EPS8L1: variants seen among roughly 807,000 people sequenced by gnomAD.
EPS8L1 encodes the protein EPS8 signaling adaptor L1, also known as epidermal growth factor receptor kinase substrate 8-like protein 1.
Under a neutral mutation model 91.7 loss-of-function variants are expected in EPS8L1, and 101 were observed. The observed-to-expected ratio is 1.10, with a 90% CI of 0.94 to 1.30. The LOEUF (loss-of-function observed/expected upper bound fraction) is 1.30, where lower values mean the gene tolerates loss of function less well. EPS8L1 is among the 50% of genes most tolerant of loss of function. The pLI, the probability that EPS8L1 is intolerant of heterozygous loss-of-function variation, is 0.00. For synonymous variants in EPS8L1, 506 were observed against 445.3 expected (o/e 1.14, Z -1.72); for missense variants, 1,114 against 1,017.0 (o/e 1.10, Z -1.30).
intron 19 of EPS8L1, 21 bp from the exon 20 acceptor site, chr19:55,087,507 G>C (rs1288151197): frequency 1.2e-6 from 2 of 1,614,172 alleles, no homozygotes; most frequent in Non-Finnish European, 1.7e-6. Context: ...AGGACAAAGC[G>C]ATTTCCACCC....
chr19:55,078,160 T>A (rs750254046), intron 3 of EPS8L1, 32 bp downstream of exon 3: 1 of 1,609,600 alleles, frequency 6.2e-7, no homozygotes, highest in African/African-American at 1.3e-5. Flanking sequence ...CCCAGGCCCA[T>A]AGAACTGGGT....
chr19:55,079,286 A>T (rs2147132698), intron 4 of EPS8L1, among the ~76,000 whole-genome samples: 1 of 152,306 alleles, frequency 6.6e-6, no homozygotes. Flanking sequence ...GTTGTGCTGG[A>T]CAGTGGGACC....
At chr19:55,087,138 T>C in intron 18 of EPS8L1, 165 bp from the exon 19 acceptor site, 23 of 1,171,196 alleles carry the variant, frequency 2.0e-5, no homozygotes, top group Non-Finnish European at 2.7e-5. Context: ...GCCCCCCGGG[T>C]GGCAACATTG....
chr19:55,082,818 G>A (rs1002200600), intron 12 of EPS8L1, among the ~76,000 whole-genome samples: 2 of 141,636 alleles, frequency 1.4e-5, no homozygotes, highest in African/African-American at 5.2e-5. Context: ...AAGACCACCA[G>A]ACCAATCGGA....
chr19:55,079,923 C>T, intron 5 of EPS8L1, 72 bp downstream of exon 5: 1 of 1,505,390 alleles, frequency 6.6e-7, no homozygotes, highest in Non-Finnish European at 8.9e-7. Flanking sequence ...TGAATCTTGG[C>T]TCCTGCACGT....
rs2076370310 is a variant in EPS8L1, at chr19:55,087,919, T to C, written c.*305T>C. 5.2e-6 allele frequency: 2 copies of C among 382,968 alleles called. No individual in the cohort carries two copies. The highest frequency in any genetic ancestry group is 4.2e-5 in the African/African-American group (2 of 48,066). The allele number at this position is 382,968 out of a possible 1,614,324, so 23.7% of individuals were successfully genotyped here. ...CCAGCCTATAAACAGCCTCCGTGCT[T>C]AGCAGATGGTGTGCCAACTGCTGTC... On this transcript the variant is annotated 3_prime_UTR_variant, in exon 20 of 20. Coordinates refer to ENST00000201647, the MANE Select transcript of EPS8L1 (RefSeq NM_133180.3).
Position 55,081,972 on chromosome 19 carries a change from C to G in EPS8L1, c.901+73C>G, listed in dbSNP as rs1181887373. 1.9e-6 allele frequency: 3 copies of G among 1,557,514 alleles called. No individual in the cohort carries two copies. The highest frequency in any genetic ancestry group is 1.7e-4 in the Middle Eastern group (1 of 5,996). On this transcript the variant is annotated intron_variant, in intron 9 of 19. Transcript: ENST00000201647. The surrounding 1 kb of genome is among the most constrained non-coding windows in gnomAD (Gnocchi z 4.9). ...CAAATGTCCCCGCTCTCCCCAGGCT[C>G]TCCCCTCCCGCCACTTGCCAGGGCT... is the stretch of plus-strand genomic sequence containing the variant.
rs750369259 is a variant in EPS8L1, at chr19:55,083,392, C to G, written c.1229C>G (p.Pro410Arg). 13 of 1,612,952 alleles carry G rather than the reference C, an allele frequency of 8.1e-6. No homozygotes were observed. In the East Asian group the frequency reaches 1.3e-4, roughly 17 times the overall value. ...CCTGGCCGCAGGCTGGAGCTGTCCC[C>G]GGAGGAGGGACCCCCATACAGACCC... The part of the protein sequence containing the change: ...SWTRPGLELS[P>R]EEGPPYRPEF... The change falls in exon 13 of 20, where the codon CCG becomes CGG. Residue 410 changes from proline (P) to arginine (R), a missense_variant. Transcript: ENST00000201647. This position sits in a 1 kb window ranked among gnomAD's most constrained non-coding sequence, Gnocchi z 4.7.
Position 55,081,820 on chromosome 19 carries a change from G to C in EPS8L1, c.822G>C (p.Arg274Ser). 6.2e-7 allele frequency: 1 copy of C among 1,612,878 alleles called. No individual in the cohort carries two copies. The change falls in exon 9 of 20, where the codon AGG (arginine) becomes AGC (serine). Residue 274 changes from arginine to serine, a missense_variant. Arg to Ser is a moderately radical substitution (Grantham distance 110, BLOSUM62 -1). Transcript: ENST00000201647. The surrounding 1 kb of genome is among the most constrained non-coding windows in gnomAD (Gnocchi z 4.9). ...VFDDVESFVS[R>S]LQKSAEAARV... ...ACGACGTAGAGAGCTTTGTATCGAG[G>C]CTGCAGAAGTCGGCGGAGGCGGCCA... is the stretch of plus-strand genomic sequence containing the variant.
rs1306854504 is a variant in EPS8L1 at position 55,080,296 on chromosome 19, C to T, written c.429+18C>T. ...GCCTCGGGGTGAGCAGATGGGCTGG[C>T]TCTGGGGGTGGAGCTGGAACTGGGC... On this transcript the variant is annotated intron_variant, in intron 6 of 19. Coordinates refer to ENST00000201647, the MANE Select transcript of EPS8L1 (RefSeq NM_133180.3). 1.0e-5 allele frequency: 16 copies of T among 1,536,226 alleles called. No individual in the cohort carries two copies. Among genetic ancestry groups the T allele is most frequent in the Non-Finnish European group, 1.3e-5 (15 of 1,139,912 alleles).
At chr19:55,080,655 G>A in intron 6 of EPS8L1, 117 bp from the exon 7 acceptor site, 1 of 1,561,274 alleles carries the variant, frequency 6.4e-7, no homozygotes, top group Non-Finnish European at 8.7e-7. Flanking sequence ...TGGGTTCACA[G>A]GTGTGAACGG....
At chr19:55,078,044 GC>G in intron 2 of EPS8L1, 43 bp from the exon 3 acceptor site, 1 of 1,606,460 alleles carries the variant, frequency 6.2e-7, no homozygotes. Flanking sequence ...CACAGGATCT[GC>G]CCCCAGTCCC....
chr19:55,083,777 T>C lies in EPS8L1; in HGVS notation c.1385+133T>C. 1 of 646,808 alleles carries C rather than the reference T, an allele frequency of 1.5e-6. No homozygotes were observed. 40.1% of individuals were successfully genotyped at this position (646,808 alleles called of 1,614,324 possible). A position where few individuals can be genotyped will look rare whatever the true frequency, so the allele number is the denominator to read the frequency against. On this transcript the variant is annotated intron_variant, in intron 14 of 19. Coordinates refer to ENST00000201647, the MANE Select transcript of EPS8L1 (RefSeq NM_133180.3). The surrounding 1 kb of genome is among the most constrained non-coding windows in gnomAD (Gnocchi z 4.7). Reference sequence around the variant, plus strand: ...CCTGGCTCTTCTCAGGTGGGTGAGATGGTGATGGGGCGGGCCGGGGCTGGG... The same window carrying C: ...CCTGGCTCTTCTCAGGTGGGTGAGACGGTGATGGGGCGGGCCGGGGCTGGG...
At position 55,086,176 on chromosome 19, in the gene EPS8L1, G is replaced by A; in HGVS notation, c.1634G>A (p.Ser545Asn). ...GGACCCCGGCTGCACCACAGCCAAA[G>A]CCCTGCCCGCAGCCTGGTGAGCCAG... ...YPGPRLHHSQ[S>N]PARSLNSTPP... The change falls in exon 16 of 20, where the codon AGC becomes AAC. Residue 545 changes from serine to asparagine, a missense_variant. By Grantham distance (46) the Ser-to-Asn change is conservative. Transcript: ENST00000201647. 6.3e-7 allele frequency: 1 copy of A among 1,599,194 alleles called. No homozygotes were observed.
At chr19:55,077,879 G>A (rs1473624409) in intron 2 of EPS8L1, among the ~76,000 whole-genome samples, 2 of 150,110 alleles carry the variant, frequency 1.3e-5, no homozygotes, top group African/African-American at 2.4e-5. Flanking sequence ...GAGCCACCGC[G>A]CCCAGCCTAC....
chr19:55,080,671 G>A (rs561596896), intron 6 of EPS8L1, 101 bp from the exon 7 acceptor site: 4 of 1,564,372 alleles, frequency 2.6e-6, no homozygotes, highest in Admixed American at 1.9e-5. Context: ...AACGGTAGCC[G>A]CACGTGGGCT....
chr19:55,087,108 T>G, intron 18 of EPS8L1, 195 bp from the exon 19 acceptor site: 7 of 1,092,594 alleles, frequency 6.4e-6, no homozygotes, highest in Non-Finnish European at 8.9e-6. Flanking sequence ...CCGTACCCTT[T>G]GAAAGCAGGA....
intron 18 of EPS8L1, 38 bp downstream of exon 18, chr19:55,086,926 C>T: frequency 2.8e-6 from 4 of 1,405,890 alleles, no homozygotes; most frequent in Non-Finnish European, 2.8e-6. Context: ...CGGGTTGATA[C>T]GGACGCTGGG....
chr19:55,086,759 G>C lies in EPS8L1; in HGVS notation c.1823G>C (p.Arg608Pro), dbSNP rs1291320147. ...MLIVNEELQARLAQGRSGPSR... is the reference protein window; with the variant it reads ...MLIVNEELQAPLAQGRSGPSR... ...ATCGTCAACGAGGAACTGCAGGCGC[G>C]CCTGGCCCAGGGCCGCTCGGGACCG... The change falls in exon 18 of 20, where the codon CGC (arginine) becomes CCC (proline). Residue 608 changes from arginine to proline, a missense_variant. Arg to Pro is a moderately radical substitution (Grantham distance 103). Transcript: ENST00000201647. The C allele has an allele frequency of 6.2e-7, 1 of 1,610,650 alleles. No individual in the cohort carries two copies. Among genetic ancestry groups the C allele is most frequent in the Non-Finnish European group, 8.5e-7 (1 of 1,179,204 alleles).
Sources: allele counts gnomAD v4.1 joint callset (sites outside exome capture counted in the v4.1 genomes callset), GRCh38; gene constraint gnomAD v4.1.1; non-coding constraint Gnocchi (gnomAD v3.1); transcripts MANE v1.5; gene names NCBI Gene and HGNC (gene_info 2026-07-23, HGNC 2026-07-21).